Variants in TNRC18 observed in about 807,000 individuals in gnomAD.
TNRC18 encodes the protein trinucleotide repeat-containing gene 18 protein.
A neutral mutation model predicts 226.7 loss-of-function variants in TNRC18; 69 were observed. The observed-to-expected ratio is 0.30, with a 90% confidence interval of 0.25 to 0.37. The LOEUF (loss-of-function observed/expected upper bound fraction) is 0.37. TNRC18 is among the 10% of genes least tolerant of loss of function. The pLI is 1.00. For missense variants in TNRC18, 4,754 were observed against 4,256.6 expected (o/e 1.12, Z -3.25); for synonymous variants, 2,449 against 1,927.6 (o/e 1.27, Z -7.09).
Position 5,388,555 on chromosome 7 carries a change from G to A in TNRC18, c.1269C>T (p.Pro423=), listed in dbSNP as rs939279317. ...PPGSPRPLDR[P]EGLREKNSVI... Reference sequence around the variant, plus strand: ...CCGAGTTCTTCTCGCGCAGGCCCTCGGGCCGGTCCAGAGGCCGCGGGGAGC... The same window carrying A: ...CCGAGTTCTTCTCGCGCAGGCCCTCAGGCCGGTCCAGAGGCCGCGGGGAGC... Residue 423 remains proline, a synonymous_variant, in exon 5 of 30, where the codon CCC becomes CCT. Coordinates refer to ENST00000430969, the MANE Select transcript of TNRC18 (RefSeq NM_001080495.3). 191 of 1,311,906 alleles carry A rather than the reference G, an allele frequency of 1.5e-4. No homozygotes were observed. Among genetic ancestry groups the A allele is most frequent in the Non-Finnish European group, 1.4e-4 (142 of 1,033,416 alleles). 81.3% of individuals were successfully genotyped at this position (1,311,906 alleles called of 1,614,324 possible).
chr7:5,403,214 G>C (rs1781231928), intron 2 of TNRC18, among the ~76,000 whole-genome samples: 1 of 150,692 alleles, frequency 6.6e-6, no homozygotes, highest in South Asian at 2.1e-4. Context: ...AGGCTGGAGT[G>C]CAATGGCGTG....
Position 5,387,662 on chromosome 7 carries a change from C to G in TNRC18, c.2152+10G>C. On this transcript the variant is annotated intron_variant, in intron 5 of 29. Coordinates refer to ENST00000430969, the MANE Select transcript of TNRC18 (RefSeq NM_001080495.3). ...ATCCTACCCGCACCTGGGCTCTGCC[C>G]AGGACCTACCTTTGACGTTACTCAG... 3.1e-6 allele frequency: 5 copies of G among 1,602,548 alleles called. No individual in the cohort carries two copies. Among genetic ancestry groups the G allele is most frequent in the Non-Finnish European group, 4.2e-6 (5 of 1,179,806 alleles).
chr7:5,334,925 C>A (rs1434569475), intron 18 of TNRC18, among the ~76,000 whole-genome samples: 1 of 151,948 alleles, frequency 6.6e-6, no homozygotes, highest in African/African-American at 2.4e-5. Flanking sequence ...AAGGTGGGGC[C>A]CACATAGAAA....
chr7:5,315,768 G>C (rs1222424658), intron 25 of TNRC18, among the ~76,000 whole-genome samples, 188 bp downstream of exon 25: 3 of 152,230 alleles, frequency 2.0e-5, no homozygotes, highest in African/African-American at 7.2e-5. Flanking sequence ...CACTGGGCTT[G>C]TGCTGTCCTC....
rs1335912922 is a variant in TNRC18 at position 5,387,913 on chromosome 7, G to A, written c.1911C>T (p.Leu637=). The A allele has an allele frequency of 6.3e-7, 1 of 1,593,632 alleles. No homozygotes were observed. Among genetic ancestry groups the A allele is most frequent in the African/African-American group, 1.3e-5 (1 of 74,712 alleles). The change falls in exon 5 of 30, where the codon CTC becomes CTT. Residue 637 remains leucine (L), a synonymous_variant. Coordinates refer to ENST00000430969, the MANE Select transcript of TNRC18 (RefSeq NM_001080495.3). ...CCGCTGCAGGGCCTCCGGAGTGTGGGAGACGGGCCTGGGCTCGGGAGGCAC... is the reference window on the plus strand; with the variant it reads ...CCGCTGCAGGGCCTCCGGAGTGTGGAAGACGGGCCTGGGCTCGGGAGGCAC... ...SAGASRAQAR[L]PHSGGPAAGG... is the part of the protein sequence containing the mutation.
In TNRC18 at chr7:5,312,389, C is replaced by T; in HGVS notation, c.8388+114G>A. 4.9e-6 allele frequency: 7 copies of T among 1,438,784 alleles called. No individual in the cohort carries two copies. The highest frequency in any genetic ancestry group is 6.4e-6 in the Non-Finnish European group (7 of 1,094,990). 89.1% of individuals were successfully genotyped at this position (1,438,784 alleles called of 1,614,324 possible). A position where few individuals can be genotyped will look rare whatever the true frequency, so the allele number is the denominator to read the frequency against. ...CATAAAGTGGGACGCCAGCCCTCCA[C>T]CCTGGGGTTCTGGGAGGTTACCACA... On this transcript the variant is annotated intron_variant, in intron 27 of 29. Coordinates refer to ENST00000430969, the MANE Select transcript of TNRC18 (RefSeq NM_001080495.3). The surrounding 1 kb of genome is among the most constrained non-coding windows in gnomAD (Gnocchi z 6.3).
intron 19 of TNRC18, chr7:5,329,864 G>C (rs551740647): frequency 4.3e-6 from 2 of 469,080 alleles, no homozygotes; most frequent in South Asian, 3.1e-5. Context: ...TGGAGGCCCA[G>C]GGTTTCCAAT....
chr7:5,390,561 G>C lies in TNRC18; in HGVS notation c.411C>G (p.Ser137Arg). The C allele has an allele frequency of 6.2e-7, 1 of 1,613,394 alleles. No individual in the cohort carries two copies. Among genetic ancestry groups the C allele is most frequent in the Non-Finnish European group, 8.5e-7 (1 of 1,179,656 alleles). The change falls in exon 4 of 30, where the codon AGC becomes AGG. Residue 137 changes from serine to arginine, a missense_variant. Coordinates refer to ENST00000430969, the MANE Select transcript of TNRC18 (RefSeq NM_001080495.3). ...YLHLNHLEPP[S>R]SGSPLLSQLG... Reference sequence around the variant, plus strand: ...GCTGGCTGAGGAGGGGGCTCCCACTGCTGGGGGGCTCCAGGTGGTTCAGGT... The same window carrying C: ...GCTGGCTGAGGAGGGGGCTCCCACTCCTGGGGGGCTCCAGGTGGTTCAGGT...
At position 5,370,232 on chromosome 7, in the gene TNRC18, A is replaced by T; in HGVS notation, c.4219+143T>A. ...AAGCTACTGGGGAGGCTGGGGAGGGAAGATCACTTGAGCCCAGGAGTTTGA... is the reference window on the plus strand; with the variant it reads ...AAGCTACTGGGGAGGCTGGGGAGGGTAGATCACTTGAGCCCAGGAGTTTGA... On this transcript the variant is annotated intron_variant, in intron 11 of 29. Transcript: ENST00000430969. 8.2e-6 allele frequency: 8 copies of T among 976,270 alleles called. No individual in the cohort carries two copies. The South Asian group carries it at 1.4e-4, about 17-fold the overall frequency. 60.5% of individuals were successfully genotyped at this position (976,270 alleles called of 1,614,324 possible). A position where few individuals can be genotyped will look rare whatever the true frequency, so the allele number is the denominator to read the frequency against.
chr7:5,370,912 G>A lies in TNRC18; in HGVS notation c.3682C>T (p.Pro1228Ser), dbSNP rs746871562. ...GTCCGGCCCGGGGAATCCACCCGTGGTTCAGGCCCCTCCACAAAGTCTGGA... is the reference window on the plus strand; with the variant it reads ...GTCCGGCCCGGGGAATCCACCCGTGATTCAGGCCCCTCCACAAAGTCTGGA... ...ECPDFVEGPE[P>S]RVDSPGRTEP... The change falls in exon 11 of 30, where the codon CCA (proline) becomes TCA (serine). Residue 1228 changes from proline to serine, a missense_variant. Coordinates refer to ENST00000430969, the MANE Select transcript of TNRC18 (RefSeq NM_001080495.3). 2 of 1,605,686 alleles carry A rather than the reference G, an allele frequency of 1.2e-6. No individual in the cohort carries two copies. The highest frequency in any genetic ancestry group is 1.7e-5 in the Admixed American group (1 of 60,022).
intron 27 of TNRC18, among the ~76,000 whole-genome samples, chr7:5,310,374 C>T (rs1457262500): frequency 8.5e-5 from 13 of 152,104 alleles, no homozygotes; most frequent in African/African-American, 3.1e-4. Context: ...GGATTACAGG[C>T]GTGCACCACC....
intron 5 of TNRC18, among the ~76,000 whole-genome samples, chr7:5,380,061 G>T (rs925035704): frequency 1.3e-5 from 2 of 152,190 alleles, no homozygotes; most frequent in Non-Finnish European, 2.9e-5. Flanking sequence ...CGGCCCCACA[G>T]CCATGACCCT....
intron 27 of TNRC18, among the ~76,000 whole-genome samples, chr7:5,311,723 C>T (rs942963690): frequency 3.3e-5 from 5 of 151,846 alleles, no homozygotes; most frequent in Admixed American, 6.6e-5. Context: ...GAGGCTGAGG[C>T]GGGAAAACTG....
intron 2 of TNRC18, chr7:5,420,672 A>G: frequency 2.1e-6 from 1 of 481,954 alleles, no homozygotes; most frequent in Non-Finnish European, 4.1e-6. Flanking sequence ...TTGCCAAGAA[A>G]AAGATTCGAG....
chr7:5,378,973 C>A (rs1779204451), intron 5 of TNRC18, among the ~76,000 whole-genome samples: 1 of 151,738 alleles, frequency 6.6e-6, no homozygotes, highest in African/African-American at 2.4e-5. Flanking sequence ...CGGGGCGGAT[C>A]ACCTGAGGTC....
chr7:5,361,956 C>A lies in TNRC18; in HGVS notation c.4473G>T (p.Gln1491His). The change falls in exon 13 of 30, where the codon CAG becomes CAT. Residue 1491 changes from glutamine (Q) to histidine (H), a missense_variant. By Grantham distance (24) the Gln-to-His change is conservative. Transcript: ENST00000430969. ...LDFRMRLAEVQRQYKEKQREL... is the reference protein window; with the variant it reads ...LDFRMRLAEVHRQYKEKQREL... ...CACGCTGCTTCTCCTTGTACTGGCG[C>A]TGCACCTCGGCCAGCCGCATCCGGA... 1 of 1,611,968 alleles carries A rather than the reference C, an allele frequency of 6.2e-7. No individual in the cohort carries two copies. Among genetic ancestry groups the A allele is most frequent in the East Asian group, 2.2e-5 (1 of 44,838 alleles).
intron 2 of TNRC18, among the ~76,000 whole-genome samples, chr7:5,395,913 C>A (rs1780647069): frequency 6.6e-6 from 1 of 151,700 alleles, no homozygotes. Context: ...AGGAGAATCG[C>A]TTGAAGCTGG....
Position 5,356,987 on chromosome 7 carries a change from C to G in TNRC18, c.5123G>C (p.Gly1708Ala), listed in dbSNP as rs1456182199. The stretch of plus-strand genomic sequence containing the variant: ...CTTGGGCTGGCCTCTGGCCTTGAAC[C>G]CCACCTCCATCTTCCTGGTTTTGGC... ...RAAKTRKMEV[G>A]FKARGQPKSA... The change falls in exon 16 of 30, where the codon GGG becomes GCG. Residue 1708 changes from glycine to alanine, a missense_variant. Coordinates refer to ENST00000430969, the MANE Select transcript of TNRC18 (RefSeq NM_001080495.3). 2.6e-6 allele frequency: 4 copies of G among 1,552,086 alleles called. No homozygotes were observed. The African/African-American group carries it at 5.5e-5, about 21-fold the overall frequency.
At chr7:5,362,954 C>CA in intron 11 of TNRC18, 129 bp from the exon 12 acceptor site, 1 of 933,040 alleles carries the variant, frequency 1.1e-6, no homozygotes, top group Non-Finnish European at 1.5e-6. Context: ...GCTGAGTAGA[C>CA]AGAGGCCTTT....
Sources: allele counts gnomAD v4.1 joint callset (sites outside exome capture counted in the v4.1 genomes callset), GRCh38; gene constraint gnomAD v4.1.1; non-coding constraint Gnocchi (gnomAD v3.1); transcripts MANE v1.5; gene names NCBI Gene and HGNC (gene_info 2026-07-23, HGNC 2026-07-21).